Variants in TRAPPC9 observed in about 807,000 individuals in gnomAD.
TRAPPC9 encodes IKK2 binding protein.
A neutral mutation model predicts 124.0 loss-of-function variants in TRAPPC9; 83 were observed. The observed-to-expected ratio is 0.67, with a 90% CI of 0.56 to 0.80. TRAPPC9 has a LOEUF of 0.80. Among genes scored for constraint, TRAPPC9 ranks in the 30% least tolerant of loss-of-function variants. The probability of loss-of-function intolerance (pLI) is 0.00; values close to 1 mark genes in which losing one functional copy is unlikely to be tolerated. For missense variants in TRAPPC9, 1,302 were observed against 1,508.3 expected (o/e 0.86, Z 2.27); for synonymous variants, 638 against 617.5 (o/e 1.03, Z -0.49).
At chr8:140,323,375 G>A (rs746691540) in intron 9 of TRAPPC9, among the ~76,000 whole-genome samples, 40 of 152,272 alleles carry the variant, frequency 2.6e-4, no homozygotes, top group Non-Finnish European at 4.9e-4. Flanking sequence ...AACCCAAGGA[G>A]GAGGCGGTAG....
At chr8:139,940,762 A>G (rs1833861634) in intron 19 of TRAPPC9, among the ~76,000 whole-genome samples, 1 of 152,190 alleles carries the variant, frequency 6.6e-6, no homozygotes, top group South Asian at 2.1e-4. Context: ...TCCCCACCTC[A>G]TGGCCGTACA....
chr8:140,043,358 C>A (rs558634510), intron 17 of TRAPPC9, among the ~76,000 whole-genome samples: 7 of 152,276 alleles, frequency 4.6e-5, no homozygotes, highest in African/African-American at 1.4e-4. Flanking sequence ...AGCCATCCTA[C>A]AGAAAAAAAG....
At chr8:140,184,652 T>A (rs1039065236) in intron 17 of TRAPPC9, among the ~76,000 whole-genome samples, 1 of 152,198 alleles carries the variant, frequency 6.6e-6, no homozygotes, top group Non-Finnish European at 1.5e-5. Context: ...TTTTACCATG[T>A]TAGCCAGGCT....
chr8:140,362,780 C>G (rs2067995289), intron 8 of TRAPPC9, among the ~76,000 whole-genome samples: 1 of 152,052 alleles, frequency 6.6e-6, no homozygotes, highest in Non-Finnish European at 1.5e-5. Context: ...TCAGAAAGAC[C>G]CAATTTAACT....
chr8:140,341,527 T>C (rs552861551), intron 9 of TRAPPC9, among the ~76,000 whole-genome samples: 1 of 152,318 alleles, frequency 6.6e-6, no homozygotes, highest in Non-Finnish European at 1.5e-5. Flanking sequence ...GACAAACCTT[T>C]CTTTTGTTCT....
intron 9 of TRAPPC9, among the ~76,000 whole-genome samples, chr8:140,333,247 G>A (rs1050414246): frequency 6.6e-6 from 1 of 152,028 alleles, no homozygotes. Flanking sequence ...TGCCTATATA[G>A]GATTATGCAT....
At chr8:140,035,064 G>T (rs1840791872) in intron 17 of TRAPPC9, among the ~76,000 whole-genome samples, 1 of 152,252 alleles carries the variant, frequency 6.6e-6, no homozygotes, top group Non-Finnish European at 1.5e-5. Flanking sequence ...CTGGAGGAGG[G>T]TAAACTGTGG....
chr8:140,427,142 G>C (rs1181719244), intron 4 of TRAPPC9, among the ~76,000 whole-genome samples: 1 of 147,422 alleles, frequency 6.8e-6, no homozygotes. Flanking sequence ...CACCATGTTA[G>C]CCAGGCTGGT....
intron 16 of TRAPPC9, among the ~76,000 whole-genome samples, chr8:140,235,964 G>GA (rs1491472430): frequency 6.7e-6 from 1 of 150,374 alleles, no homozygotes; most frequent in Non-Finnish European, 1.5e-5. Flanking sequence ...GAGGAAGAAG[G>GA]AAAAAAACAA....
chr8:140,328,894 T>A (rs577127318), intron 9 of TRAPPC9, among the ~76,000 whole-genome samples: 1 of 151,972 alleles, frequency 6.6e-6, no homozygotes, highest in South Asian at 2.1e-4. Flanking sequence ...GCACTGAGGG[T>A]GACGGCTTTG....
chr8:140,231,207 A>G (rs974736415), intron 16 of TRAPPC9, among the ~76,000 whole-genome samples: 1 of 152,210 alleles, frequency 6.6e-6, no homozygotes, highest in African/African-American at 2.4e-5. Context: ...TGCCCGGCAC[A>G]TGGGAAGCCC....
intron 19 of TRAPPC9, among the ~76,000 whole-genome samples, chr8:139,934,927 G>A (rs547770097): frequency 3.3e-5 from 5 of 152,246 alleles, no homozygotes; most frequent in South Asian, 4.1e-4. Flanking sequence ...TTAGCTTTCC[G>A]AGGTCTTGCC....
chr8:139,739,268 C>A (rs1818403309), intron 21 of TRAPPC9, among the ~76,000 whole-genome samples: 1 of 152,198 alleles, frequency 6.6e-6, no homozygotes, highest in African/African-American at 2.4e-5. Context: ...GGTGCCCATG[C>A]AGTTGGGCCT....
intron 7 of TRAPPC9, among the ~76,000 whole-genome samples, chr8:140,390,506 T>A (rs2068895782): frequency 6.6e-6 from 1 of 152,130 alleles, no homozygotes; most frequent in South Asian, 2.1e-4. Context: ...GCTTTTCCTT[T>A]ATTTTAGTCC....
chr8:140,399,851 T>TG (rs796505854), intron 6 of TRAPPC9, among the ~76,000 whole-genome samples: 3 of 152,342 alleles, frequency 2.0e-5, no homozygotes, highest in African/African-American at 7.2e-5. Flanking sequence ...AATCTGACTC[T>TG]GTGTCCCCAC....
chr8:140,206,106 C>T (rs565808037), intron 17 of TRAPPC9, among the ~76,000 whole-genome samples: 5 of 152,230 alleles, frequency 3.3e-5, no homozygotes, highest in Admixed American at 6.5e-5. Flanking sequence ...CATTCTAAAA[C>T]CAATCCATCT....
chr8:140,150,091 A>C (rs187309150), intron 17 of TRAPPC9, among the ~76,000 whole-genome samples: 112 of 152,320 alleles, frequency 7.4e-4, no homozygotes, highest in Non-Finnish European at 1.1e-3. Context: ...AGTGGTTATA[A>C]TGATGGTGAT....
At chr8:140,386,323 G>A (rs146322182) in intron 7 of TRAPPC9, among the ~76,000 whole-genome samples, 5,197 of 152,162 alleles carry the variant, frequency 0.034, 187 homozygotes, top group African/African-American at 0.091. Context: ...CAGGGCAAAC[G>A]GGCAGGAGAA....
chr8:139,909,783 T>C (rs1675696177), intron 20 of TRAPPC9, among the ~76,000 whole-genome samples: 1 of 152,204 alleles, frequency 6.6e-6, no homozygotes, highest in African/African-American at 2.4e-5. Flanking sequence ...TCTCAGACAA[T>C]TGCACTTGTG....
Sources: gnomAD v4.1 joint callset for allele counts (sites outside exome capture counted in the v4.1 genomes callset) on GRCh38, gnomAD v4.1.1 for gene constraint, MANE v1.5 for transcripts, NCBI Gene and HGNC (gene_info 2026-07-23, HGNC 2026-07-21) for gene names.